The following GLT1D1 variants were observed in gnomAD, a reference collection of about 807,000 sequenced individuals.
GLT1D1 encodes the protein glycosyltransferase 1 domain containing 1.
GLT1D1 carries 21 observed loss-of-function variants against 28.7 expected under a neutral mutation model. That is an observed-to-expected ratio of 0.73 (90% CI 0.52 to 1.05). GLT1D1 has a LOEUF of 1.05. Among genes scored for constraint, GLT1D1 ranks in the 50% least tolerant of loss-of-function variants. GLT1D1 has a pLI of 0.00. For missense variants in GLT1D1, 343 were observed against 330.6 expected, an observed-to-expected ratio of 1.04 and a Z score of -0.29; for synonymous variants, 147 against 124.8, an observed-to-expected ratio of 1.18 and a Z score of -1.19.
intron 4 of GLT1D1, among the ~76,000 whole-genome samples, chr12:128,908,287 CTT>C (rs1871094820): frequency 6.6e-6 from 1 of 151,240 alleles, no homozygotes; most frequent in African/African-American, 2.4e-5. Flanking sequence ...TTCAACATTT[CTT>C]TCTCATCTCA....
intron 4 of GLT1D1, 130 bp from the exon 9 acceptor site, chr12:128,945,196 G>C (rs1178361538): frequency 1.1e-6 from 1 of 910,870 alleles, no homozygotes; most frequent in Non-Finnish European, 1.8e-6. Context: ...CAGCCGCGAG[G>C]ACACCCCCGT....
intron 4 of GLT1D1, among the ~76,000 whole-genome samples, chr12:128,925,343 C>T (rs1026166781): frequency 1.3e-5 from 2 of 152,198 alleles, no homozygotes; most frequent in Non-Finnish European, 2.9e-5. Flanking sequence ...CTCCTGCGAC[C>T]CCAACCCTCC....
chr12:128,879,776 T>G (rs1184966826), intron 2 of GLT1D1, among the ~76,000 whole-genome samples: 1 of 152,194 alleles, frequency 6.6e-6, no homozygotes, highest in Non-Finnish European at 1.5e-5. Context: ...TATTTCTTTT[T>G]AAAGGTTTTA....
intron 4 of GLT1D1, among the ~76,000 whole-genome samples, chr12:128,943,698 A>G (rs1172998052): frequency 1.3e-5 from 2 of 152,244 alleles, no homozygotes; most frequent in Admixed American, 6.5e-5. Context: ...AGTATGCTTA[A>G]CAACAAAATA....
At chr12:128,905,953 C>T (rs1172672082) in intron 4 of GLT1D1, among the ~76,000 whole-genome samples, 1 of 151,846 alleles carries the variant, frequency 6.6e-6, no homozygotes, top group East Asian at 1.9e-4. Flanking sequence ...CCCCCTCAGC[C>T]TCCTGGGTAG....
chr12:128,942,025 C>T (rs1875346939), intron 4 of GLT1D1, among the ~76,000 whole-genome samples: 1 of 149,816 alleles, frequency 6.7e-6, no homozygotes, highest in South Asian at 2.1e-4. Context: ...GCTCTGCTGC[C>T]ATTTGATGTA....
rs1193999947 is a variant in GLT1D1, at chr12:128,853,548, G to A, written c.-34G>A. ...GCCCCGGGGCCTGGTCGGCGGCGGC[G>A]GGGCCGGTCGATGGCCCGGGCGGCG... On this transcript the variant is annotated 5_prime_UTR_variant, in exon 1 of 8. Coordinates refer to ENST00000281703, the MANE Select transcript of GLT1D1 (RefSeq NM_144669.3). 6 of 1,048,598 alleles carry A rather than the reference G, an allele frequency of 5.7e-6. No homozygotes were observed. The highest frequency in any genetic ancestry group is 5.7e-6 in the Non-Finnish European group (5 of 875,706). The allele number at this position is 1,048,598 out of a possible 1,614,324, so 65.0% of individuals were successfully genotyped here.
At chr12:128,864,225 G>A (rs10847707) in intron 1 of GLT1D1, 14,958 of 614,118 alleles carry the variant, frequency 0.024, 989 homozygotes, top group Admixed American at 0.15. Flanking sequence ...CGGGCACTCC[G>A]AGAGGCTTCC....
rs145510053 is a variant in GLT1D1, at chr12:128,937,094, T to C, written c.376-8232T>C. Among the ~76,000 whole-genome samples the C allele has an allele frequency of 4.6e-3, 699 of 152,300 alleles. 3 individuals are homozygous for C. The highest frequency in any genetic ancestry group is 0.016 in the African/African-American group (659 of 41,564). ...TAAATTATTTTTCCTTAGTTATTCA[T>C]GAGAGCAGAGGCATGCTAATAAAAT... On this transcript the variant is annotated intron_variant, in intron 4 of 7. Coordinates refer to ENST00000281703, the MANE Select transcript of GLT1D1 (RefSeq NM_144669.3).
At chr12:128,954,940 T>G in intron 6 of GLT1D1, among the ~76,000 whole-genome samples, 1 of 152,056 alleles carries the variant, frequency 6.6e-6, no homozygotes, top group African/African-American at 2.4e-5. Context: ...GGCAACAGAG[T>G]GAGACCCTGT....
intron 7 of GLT1D1, among the ~76,000 whole-genome samples, chr12:128,977,482 C>A (rs1224262609): frequency 6.6e-6 from 1 of 152,064 alleles, no homozygotes; most frequent in African/African-American, 2.4e-5. Context: ...TATTGAATTA[C>A]CTGTTGATAT....
At chr12:128,886,679 C>T (rs1868423257) in intron 2 of GLT1D1, among the ~76,000 whole-genome samples, 1 of 152,072 alleles carries the variant, frequency 6.6e-6, no homozygotes, top group South Asian at 2.1e-4. Context: ...CCCTCTTCCA[C>T]TTGTAACGAC....
At chr12:128,928,148 T>C (rs1482020388) in intron 4 of GLT1D1, among the ~76,000 whole-genome samples, 1 of 152,030 alleles carries the variant, frequency 6.6e-6, no homozygotes, top group Non-Finnish European at 1.5e-5. Flanking sequence ...GTGATCCAAA[T>C]TGTCTTTGAA....
chr12:128,870,238 C>T (rs1428114104), intron 1 of GLT1D1, among the ~76,000 whole-genome samples: 1 of 152,040 alleles, frequency 6.6e-6, no homozygotes, highest in Non-Finnish European at 1.5e-5. Flanking sequence ...TAAATTTGCA[C>T]TCCAGCAAAT....
chr12:128,958,845 T>C (rs1877591959), intron 7 of GLT1D1, among the ~76,000 whole-genome samples: 1 of 143,296 alleles, frequency 7.0e-6, no homozygotes, highest in Non-Finnish European at 1.5e-5. Flanking sequence ...TTTTTTTTTT[T>C]TTTTTTTTAT....
intron 3 of GLT1D1, among the ~76,000 whole-genome samples, chr12:128,891,055 G>A (rs575566275): frequency 6.7e-6 from 1 of 150,308 alleles, no homozygotes; most frequent in Non-Finnish European, 1.5e-5. Flanking sequence ...GTTGCAGTAA[G>A]CAAGATGTTG....
At chr12:128,912,087 C>T (rs470859) in intron 4 of GLT1D1, among the ~76,000 whole-genome samples, 1,590 of 152,234 alleles carry the variant, frequency 0.01, 32 homozygotes, top group African/African-American at 0.037. Flanking sequence ...TCAGCTGGGC[C>T]GGCACTGGCA....
chr12:128,978,394 C>T (rs943483214), intron 7 of GLT1D1, among the ~76,000 whole-genome samples: 1 of 152,198 alleles, frequency 6.6e-6, no homozygotes, highest in Non-Finnish European at 1.5e-5. Flanking sequence ...GGGCACGGCT[C>T]TCCTCCTCCG....
At chr12:128,934,374 A>C (rs1015365307) in intron 4 of GLT1D1, among the ~76,000 whole-genome samples, 1 of 151,914 alleles carries the variant, frequency 6.6e-6, no homozygotes, top group Non-Finnish European at 1.5e-5. Flanking sequence ...TTGTATTTTT[A>C]GTAGAGACGG....
Sources: gnomAD v4.1 joint callset for allele counts (sites outside exome capture counted in the v4.1 genomes callset) on GRCh38, gnomAD v4.1.1 for gene constraint, MANE v1.5 for transcripts, NCBI Gene and HGNC (gene_info 2026-07-23, HGNC 2026-07-21) for gene names.